Variants in SNU13 observed in about 807,000 individuals in gnomAD.
The protein encoded by SNU13 is NHP2-like protein 1.
SNU13 carries 2 observed loss-of-function variants against 12.4 expected under a neutral mutation model. That is an observed-to-expected ratio of 0.16 (90% CI 0.07 to 0.51). The LOEUF (loss-of-function observed/expected upper bound fraction) is 0.51, where lower values mean the gene tolerates loss of function less well. Ranked by LOEUF, SNU13 falls within the 20% of genes least tolerant of loss-of-function variation. The pLI, the probability that SNU13 is intolerant of heterozygous loss-of-function variation, is 0.96. For missense variants in SNU13, 66 were observed against 157.8 expected, an observed-to-expected ratio of 0.42 and a Z score of 3.12; for synonymous variants, 68 against 66.5, an observed-to-expected ratio of 1.02 and a Z score of -0.11.
At position 41,674,755 on chromosome 22, in the gene SNU13, A is replaced by C. The variant is rs2068195983; in HGVS notation, c.*178T>G. On this transcript the variant is annotated 3_prime_UTR_variant, in exon 3 of 3. Coordinates refer to ENST00000401959, the MANE Select transcript of SNU13 (RefSeq NM_001003796.2). ...GATGGCAGAGGGAGGGAGGAAAGGA[A>C]GGGGGATAGCAACCCTGTAAAACAG... 3 of 788,862 alleles carry C rather than the reference A, an allele frequency of 3.8e-6. No individual in the cohort carries two copies. Among genetic ancestry groups the C allele is most frequent in the Non-Finnish European group, 5.9e-6 (3 of 509,740 alleles). 48.9% of individuals were successfully genotyped at this position (788,862 alleles called of 1,614,324 possible).
At chr22:41,682,288 G>A (rs2068270239) in intron 1 of SNU13, 1 of 1,501,152 alleles carries the variant, frequency 6.7e-7, no homozygotes, top group Admixed American at 1.7e-5. Context: ...GACACAGCGG[G>A]ACCACGCTCG....
chr22:41,682,286 G>A, intron 1 of SNU13: 3 of 1,494,374 alleles, frequency 2.0e-6, no homozygotes, highest in African/African-American at 1.4e-5. Flanking sequence ...CTGACACAGC[G>A]GGACCACGCT....
At chr22:41,683,680 T>C (rs2068285053) in intron 1 of SNU13, among the ~76,000 whole-genome samples, 1 of 152,214 alleles carries the variant, frequency 6.6e-6, no homozygotes, top group Non-Finnish European at 1.5e-5. Flanking sequence ...TCAAAAGATA[T>C]AATATGCATT....
At position 41,679,645 on chromosome 22, in the gene SNU13, T is replaced by A. The variant is rs2068245232; in HGVS notation, c.124+599A>T. ...CCTATATCACCTCTGGGCAGAAGCATCATGCATACATAATTATTCTACTGA... is the reference window on the plus strand; with the variant it reads ...CCTATATCACCTCTGGGCAGAAGCAACATGCATACATAATTATTCTACTGA... On this transcript the variant is annotated intron_variant, in intron 2 of 2. Coordinates refer to ENST00000401959, the MANE Select transcript of SNU13 (RefSeq NM_001003796.2). 3 of 151,096 alleles carry A rather than the reference T, an allele frequency of 2.0e-5. No homozygotes were observed. The South Asian group carries it at 6.3e-4, about 32-fold the overall frequency. The allele number at this position is 151,096 out of a possible 1,614,324, so 9.4% of individuals were successfully genotyped here.
chr22:41,678,831 C>T (rs2068236693), intron 2 of SNU13, among the ~76,000 whole-genome samples: 1 of 152,210 alleles, frequency 6.6e-6, no homozygotes, highest in African/African-American at 2.4e-5. Flanking sequence ...CCTTCAGCAA[C>T]ACAGGTAAAA....
chr22:41,685,647 C>T (rs1233228242), intron 1 of SNU13, among the ~76,000 whole-genome samples: 9 of 151,224 alleles, frequency 6.0e-5, no homozygotes, highest in African/African-American at 1.9e-4. Context: ...CCACTGCACC[C>T]GGCCAACTCC....
intron 1 of SNU13, 130 bp from the exon 2 acceptor site, chr22:41,680,494 C>A: frequency 1.1e-6 from 1 of 885,838 alleles, no homozygotes; most frequent in Non-Finnish European, 1.7e-6. Flanking sequence ...ACACACAAAA[C>A]ACCAGGTAGT....
chr22:41,675,872 T>A (rs1407443651), intron 2 of SNU13, among the ~76,000 whole-genome samples: 4 of 150,968 alleles, frequency 2.6e-5, no homozygotes, highest in Non-Finnish European at 4.4e-5. Context: ...TGCCTCAGCC[T>A]CCCAAGTAGC....
intron 2 of SNU13, among the ~76,000 whole-genome samples, chr22:41,679,147 G>A (rs565469790): frequency 1.6e-4 from 24 of 151,956 alleles, no homozygotes; most frequent in Non-Finnish European, 2.8e-4. Flanking sequence ...AGTGGCTCAC[G>A]CCTGTAATCC....
rs11314374 is a variant in SNU13, at chr22:41,681,990, C to CT, written c.4-1627dup. 2.1e-4 allele frequency among the ~76,000 whole-genome samples: 31 copies of CT among 149,812 alleles called. No homozygotes were observed. In the South Asian group the frequency reaches 2.1e-3, roughly 10 times the overall value. On this transcript the variant is annotated intron_variant, in intron 1 of 2. Coordinates refer to ENST00000401959, the MANE Select transcript of SNU13 (RefSeq NM_001003796.2). ...GTAAATCATTTTCATTAATTTTTCT[C>CT]TTTTTTTTTTTGTTTTTACAAACAC...
At chr22:41,682,370 T>C in intron 1 of SNU13, 1 of 1,614,060 alleles carries the variant, frequency 6.2e-7, no homozygotes, top group Non-Finnish European at 8.5e-7. Context: ...GCGTCTGTCT[T>C]GGTAGTCTCT....
At chr22:41,688,505 C>T (rs922675681) in intron 1 of SNU13, among the ~76,000 whole-genome samples, 5 of 152,216 alleles carry the variant, frequency 3.3e-5, no homozygotes, top group Non-Finnish European at 5.9e-5. Context: ...GTCTCTTTCT[C>T]CCAGGCTGGG....
Position 41,680,439 on chromosome 22 carries a change from A to G in SNU13, c.4-75T>C, listed in dbSNP as rs575384512. 44 of 1,502,544 alleles carry G rather than the reference A, an allele frequency of 2.9e-5. No individual in the cohort carries two copies. In the East Asian group the frequency reaches 9.4e-4, roughly 32 times the overall value. 93.1% of individuals were successfully genotyped at this position (1,502,544 alleles called of 1,614,324 possible). A position where few individuals can be genotyped will look rare whatever the true frequency, so the allele number is the denominator to read the frequency against. ...TACCTGAGTCACAAAATACTAATCAACAATTGAGACACAGGGGGCAGCTGC... is the reference window on the plus strand; with the variant it reads ...TACCTGAGTCACAAAATACTAATCAGCAATTGAGACACAGGGGGCAGCTGC... On this transcript the variant is annotated intron_variant, in intron 1 of 2. Transcript: ENST00000401959.
At chr22:41,678,562 C>T (rs1402996431) in intron 2 of SNU13, among the ~76,000 whole-genome samples, 1 of 152,122 alleles carries the variant, frequency 6.6e-6, no homozygotes, top group Non-Finnish European at 1.5e-5. Flanking sequence ...TGCTTATCAC[C>T]GTGCAAAGTA....
chr22:41,681,422 A>G (rs2068261885), intron 1 of SNU13: 1 of 152,240 alleles, frequency 6.6e-6, no homozygotes, highest in Non-Finnish European at 1.5e-5. Flanking sequence ...TTTAAAAGTC[A>G]AAACTATGCA....
At chr22:41,680,117 C>T in intron 2 of SNU13, 127 bp downstream of exon 2, 3 of 1,242,452 alleles carry the variant, frequency 2.4e-6, no homozygotes, top group Non-Finnish European at 2.2e-6. Context: ...CATCTAATGC[C>T]AAAGTCCTCC....
intron 2 of SNU13, among the ~76,000 whole-genome samples, chr22:41,676,652 C>T (rs1422933210): frequency 6.6e-6 from 1 of 151,908 alleles, no homozygotes; most frequent in East Asian, 1.9e-4. Flanking sequence ...AAATGGTTTT[C>T]ATTTGGTGGC....
At chr22:41,680,184 G>T in intron 2 of SNU13, 60 bp downstream of exon 2, 1 of 1,523,654 alleles carries the variant, frequency 6.6e-7, no homozygotes. Context: ...TCAGATCAGA[G>T]GCCCCAGATG....
At position 41,674,891 on chromosome 22, in the gene SNU13, A is replaced by G; in HGVS notation, c.*42T>C. 6.2e-7 allele frequency: 1 copy of G among 1,600,736 alleles called. No homozygotes were observed. Among genetic ancestry groups the G allele is most frequent in the Non-Finnish European group, 8.5e-7 (1 of 1,171,106 alleles). On this transcript the variant is annotated 3_prime_UTR_variant, in exon 3 of 3. Transcript: ENST00000401959. The stretch of plus-strand genomic sequence containing the variant: ...CACAGATAATATGATACACAACCTC[A>G]GGGGGGAAGCTGGCAGGGAGCACGT...
Sources: gnomAD v4.1 joint callset for allele counts (sites outside exome capture counted in the v4.1 genomes callset) on GRCh38, gnomAD v4.1.1 for gene constraint, MANE v1.5 for transcripts, NCBI Gene and HGNC (gene_info 2026-07-23, HGNC 2026-07-21) for gene names.